SLC17A1: variants seen among roughly 807,000 people sequenced by gnomAD.
SLC17A1 encodes solute carrier family 17 member 1.
In SLC17A1, 51 loss-of-function variants were observed where a neutral mutation model predicts 53.5. The ratio of observed to expected loss-of-function variants is 0.95; its 90% confidence interval spans 0.76 to 1.20. SLC17A1 has a LOEUF of 1.20. Among genes scored for constraint, SLC17A1 ranks in the 50% most tolerant of loss-of-function variants. The pLI is 0.00. For missense variants in SLC17A1, 538 were observed against 568.2 expected, an observed-to-expected ratio of 0.95 and a Z score of 0.54; for synonymous variants, 179 against 198.8, an observed-to-expected ratio of 0.90 and a Z score of 0.84.
chr6:25,814,756 G>A (rs1162346449), intron 6 of SLC17A1, among the ~76,000 whole-genome samples: 1 of 152,146 alleles, frequency 6.6e-6, no homozygotes, highest in African/African-American at 2.4e-5. Context: ...GGCCGAGGCG[G>A]GCGGATCACG....
the SLC17A1 span, chr6:25,726,432 A>C: frequency 1.2e-6 from 2 of 1,614,054 alleles, no homozygotes; most frequent in Admixed American, 1.7e-5. Flanking sequence ...GAAGCAGACG[A>C]TGGATCCGGC....
downstream of SLC17A1, chr6:25,779,318 T>C (rs1763184920): frequency 3.8e-6 from 5 of 1,313,610 alleles, no homozygotes; most frequent in Non-Finnish European, 5.2e-6. Context: ...CTAAAGATTT[T>C]ACCATGCCTG....
At chr6:25,747,115 C>T in the SLC17A1 span, among the ~76,000 whole-genome samples, 2 of 152,148 alleles carry the variant, frequency 1.3e-5, no homozygotes, top group Non-Finnish European at 2.9e-5. Flanking sequence ...AGAAAGGATG[C>T]CAGTATCAAA....
At chr6:25,810,140 G>T (rs191374251) in intron 10 of SLC17A1, among the ~76,000 whole-genome samples, 5 of 152,122 alleles carry the variant, frequency 3.3e-5, no homozygotes, top group African/African-American at 1.2e-4. Context: ...TTAAACATAA[G>T]ACCTGAAACT....
At chr6:25,774,309 T>C in the SLC17A1 span, among the ~76,000 whole-genome samples, 3 of 152,192 alleles carry the variant, frequency 2.0e-5, no homozygotes, top group African/African-American at 7.2e-5. Flanking sequence ...GCTGGATGGA[T>C]GTCTTAAAAG....
chr6:25,802,663 T>C (rs991761133), intron 10 of SLC17A1, among the ~76,000 whole-genome samples: 1 of 152,118 alleles, frequency 6.6e-6, no homozygotes, highest in Non-Finnish European at 1.5e-5. Flanking sequence ...ATTTTCCTTT[T>C]TGCATTTTAG....
At chr6:25,732,873 C>A in the SLC17A1 span, 1 of 245,890 alleles carries the variant, frequency 4.1e-6, no homozygotes, top group Non-Finnish European at 7.8e-6. Flanking sequence ...TGTCTAATGT[C>A]TAGAAGAAAC....
chr6:25,734,111 C>T, the SLC17A1 span, among the ~76,000 whole-genome samples: 41,345 of 151,942 alleles, frequency 0.27, 6,846 homozygotes, highest in East Asian at 0.7. Context: ...CCACTGCACA[C>T]GGCCAAAAGT....
the SLC17A1 span, chr6:25,777,192 T>C: frequency 2.0e-6 from 1 of 488,630 alleles, no homozygotes; most frequent in Non-Finnish European, 3.6e-6. Context: ...ATGCTCAGAG[T>C]CAACTGAGGG....
the SLC17A1 span, among the ~76,000 whole-genome samples, chr6:25,728,790 G>T: frequency 1.3e-5 from 2 of 152,146 alleles, no homozygotes; most frequent in African/African-American, 4.8e-5. Context: ...CTCCAGCCTG[G>T]GTGACAGAGC....
chr6:25,726,701 C>A, the SLC17A1 span: 1 of 1,065,364 alleles, frequency 9.4e-7, no homozygotes. Context: ...TCCCATTGTC[C>A]AATCAGATTT....
the SLC17A1 span, chr6:25,731,856 A>G: frequency 2.5e-5 from 40 of 1,602,804 alleles, no homozygotes; most frequent in Admixed American, 3.4e-5. Context: ...TTCCCCAGGC[A>G]GCAGCAGGCG....
chr6:25,808,536 G>T (rs1581472257), intron 10 of SLC17A1, among the ~76,000 whole-genome samples: 2 of 151,758 alleles, frequency 1.3e-5, no homozygotes, highest in East Asian at 3.9e-4. Context: ...GAGTTAACAA[G>T]GAACTCCAAC....
the SLC17A1 span, among the ~76,000 whole-genome samples, chr6:25,737,284 TG>T: frequency 6.6e-6 from 1 of 152,174 alleles, no homozygotes; most frequent in Non-Finnish European, 1.5e-5. Context: ...GATGACTGGA[TG>T]GCCCCACTGG....
At chr6:25,813,266 T>G in intron 6 of SLC17A1, 53 bp from the exon 7 acceptor site, 2 of 1,402,822 alleles carry the variant, frequency 1.4e-6, no homozygotes, top group Non-Finnish European at 2.0e-6. Flanking sequence ...AGTGGATCTC[T>G]TTCCCAGAAT....
chr6:25,743,357 A>G, the SLC17A1 span, among the ~76,000 whole-genome samples: 2 of 152,230 alleles, frequency 1.3e-5, no homozygotes, highest in African/African-American at 4.8e-5. Context: ...ATTATTTCCA[A>G]TGACTTTTGA....
chr6:25,797,265 C>T (rs2151478666), intron 12 of SLC17A1, among the ~76,000 whole-genome samples: 1 of 152,304 alleles, frequency 6.6e-6, no homozygotes, highest in African/African-American at 2.4e-5. Context: ...CCTGTATTCT[C>T]TCTCTCTTGA....
the SLC17A1 span, among the ~76,000 whole-genome samples, chr6:25,775,415 ATTCT>A: frequency 1.3e-5 from 2 of 151,156 alleles, no homozygotes; most frequent in Non-Finnish European, 2.9e-5. Context: ...TCCAATGATA[ATTCT>A]TTCTATGTCT....
the SLC17A1 span, chr6:25,776,904 A>C: frequency 6.2e-7 from 1 of 1,613,838 alleles, no homozygotes; most frequent in Non-Finnish European, 8.5e-7. Flanking sequence ...GTCTTCTGCC[A>C]TCAGCAGCTT....
Sources: allele counts gnomAD v4.1 joint callset (sites outside exome capture counted in the v4.1 genomes callset), GRCh38; gene constraint gnomAD v4.1.1; transcripts MANE v1.5; gene names NCBI Gene and HGNC (gene_info 2026-07-23, HGNC 2026-07-21).